Variants in SBF2 observed in about 807,000 individuals in gnomAD.
SBF2 encodes SET binding factor 2, also known as myotubularin-related protein 13.
Under a neutral mutation model 225.2 loss-of-function variants are expected in SBF2, and 112 were observed. The observed-to-expected ratio is 0.50, with a 90% CI of 0.43 to 0.58. SBF2 has a LOEUF of 0.58. Ranked by LOEUF, SBF2 falls within the 20% of genes least tolerant of loss-of-function variation. The pLI is 0.00. For synonymous variants in SBF2, 763 were observed against 773.3 expected (o/e 0.99, Z 0.22); for missense variants, 1,996 against 2,206.2 (o/e 0.90, Z 1.91).
At chr11:9,948,726 C>T (rs77104999) in intron 16 of SBF2, among the ~76,000 whole-genome samples, 1,757 of 152,202 alleles carry the variant, frequency 0.012, 19 homozygotes, top group Admixed American at 0.019. Context: ...TACACATAGA[C>T]GTATACCCAC....
chr11:9,998,202 T>A, intron 9 of SBF2, 64 bp downstream of exon 9: 1 of 956,932 alleles, frequency 1.0e-6, no homozygotes. Context: ...ACATTTTTAA[T>A]TTTAGCTATC....
intron 2 of SBF2, among the ~76,000 whole-genome samples, chr11:10,190,473 C>T (rs779647738): frequency 6.6e-6 from 1 of 152,042 alleles, no homozygotes; most frequent in Non-Finnish European, 1.5e-5. Flanking sequence ...TAAAATCCAT[C>T]CGAATTAAAG....
intron 2 of SBF2, among the ~76,000 whole-genome samples, chr11:10,053,503 G>A (rs910990308): frequency 6.6e-5 from 10 of 152,298 alleles, no homozygotes; most frequent in African/African-American, 1.9e-4. Context: ...TGTGAATAAA[G>A]TAACAGAAGC....
intron 1 of SBF2, among the ~76,000 whole-genome samples, chr11:10,209,328 C>G (rs1476491124): frequency 6.7e-6 from 1 of 149,968 alleles, no homozygotes. Flanking sequence ...TTTTTCCCAT[C>G]TCTAACTTCC....
At chr11:10,300,491 C>A (rs1036538604) in intron 1 of SBF2, among the ~76,000 whole-genome samples, 8 of 151,666 alleles carry the variant, frequency 5.3e-5, no homozygotes, top group African/African-American at 1.9e-4. Flanking sequence ...CATGATGAAA[C>A]CACATCTCTA....
intron 16 of SBF2, among the ~76,000 whole-genome samples, chr11:9,919,049 T>C (rs1863362461): frequency 6.6e-6 from 1 of 152,118 alleles, no homozygotes; most frequent in Non-Finnish European, 1.5e-5. Flanking sequence ...GCTTTTTTTA[T>C]TTTTTAATCC....
At chr11:10,282,721 T>C (rs578236955) in intron 1 of SBF2, among the ~76,000 whole-genome samples, 2 of 152,340 alleles carry the variant, frequency 1.3e-5, no homozygotes, top group Admixed American at 1.3e-4. Flanking sequence ...AGCTTTCTCA[T>C]ACTGGTCTTT....
intron 17 of SBF2, among the ~76,000 whole-genome samples, chr11:9,891,550 A>C (rs531188115): frequency 7.2e-5 from 11 of 152,368 alleles, no homozygotes; most frequent in Admixed American, 2.0e-4. Context: ...ATATAAGCAC[A>C]GGGCTTGGCA....
chr11:9,945,368 CG>C (rs747301117), intron 16 of SBF2, among the ~76,000 whole-genome samples: 24 of 152,102 alleles, frequency 1.6e-4, no homozygotes, highest in Non-Finnish European at 2.9e-4. Context: ...ATTCAATAAA[CG>C]GTGCTAGGAT....
At chr11:9,794,244 C>A (rs1045481870) in intron 33 of SBF2, among the ~76,000 whole-genome samples, 13 of 151,832 alleles carry the variant, frequency 8.6e-5, no homozygotes, top group Middle Eastern at 3.4e-3. Context: ...AAAAACAAAC[C>A]AAAAAAACCC....
chr11:9,785,244 T>C lies in SBF2; in HGVS notation c.5112A>G (p.Leu1704=), dbSNP rs370420894. 1.4e-5 allele frequency: 22 copies of C among 1,613,962 alleles called. No homozygotes were observed. In the East Asian group the frequency reaches 1.8e-4, roughly 13 times the overall value. The change falls in exon 37 of 40, where the codon CTA becomes CTG. Residue 1704 remains leucine (L), a synonymous_variant. Transcript: ENST00000256190. ...NLPSYQKRSL[L]HLPDSSMGEE... ...CCCCCATGCTGCTGTCTGGGAGATG[T>C]AGCAGAGACCTCTTCTGATAGGAAG...
chr11:9,812,404 C>T, intron 30 of SBF2, 128 bp downstream of exon 30: 1 of 981,310 alleles, frequency 1.0e-6, no homozygotes, highest in South Asian at 1.5e-5. Flanking sequence ...ACTGATGGCA[C>T]ACAATGAAGG....
chr11:10,233,779 T>C (rs912287012), intron 1 of SBF2, among the ~76,000 whole-genome samples: 2 of 152,164 alleles, frequency 1.3e-5, no homozygotes, highest in Non-Finnish European at 2.9e-5. Flanking sequence ...TCCCAAGTTA[T>C]CTCCCAACCA....
intron 1 of SBF2, among the ~76,000 whole-genome samples, chr11:10,270,789 T>G (rs1176670917): frequency 6.6e-6 from 1 of 151,916 alleles, no homozygotes; most frequent in Non-Finnish European, 1.5e-5. Flanking sequence ...ATCAGGAGAT[T>G]GAGACCATTG....
intron 16 of SBF2, among the ~76,000 whole-genome samples, chr11:9,920,598 C>G (rs1037759688): frequency 1.1e-4 from 16 of 152,158 alleles, no homozygotes; most frequent in African/African-American, 3.1e-4. Context: ...TCTTCTTTCA[C>G]ATGTGAGAAG....
intron 16 of SBF2, among the ~76,000 whole-genome samples, chr11:9,901,488 C>T (rs1450973134): frequency 6.6e-6 from 1 of 152,160 alleles, no homozygotes; most frequent in African/African-American, 2.4e-5. Context: ...AGACACGCCC[C>T]ATTACGCCCT....
At position 9,899,915 on chromosome 11, in the gene SBF2, G is replaced by A. The variant is rs189615637; in HGVS notation, c.1861-3904C>T. ...ATGGTGAGGGGAGGATGAGTGGGGA[G>A]AGCTCTTTAAACTATTCTGCTAATA... On this transcript the variant is annotated intron_variant, in intron 16 of 39. Coordinates refer to ENST00000256190, the MANE Select transcript of SBF2 (RefSeq NM_030962.4). 3.3e-5 allele frequency among the ~76,000 whole-genome samples: 5 copies of A among 152,104 alleles called. No homozygotes were observed. In the East Asian group the frequency reaches 7.7e-4, roughly 24 times the overall value.
intron 6 of SBF2, 81 bp from the exon 7 acceptor site, chr11:10,002,770 A>C: frequency 7.5e-7 from 1 of 1,333,910 alleles, no homozygotes; most frequent in South Asian, 1.2e-5. Flanking sequence ...ATACACGGAA[A>C]GAAAAAGCCA....
chr11:9,909,945 G>C (rs1167827135), intron 16 of SBF2, among the ~76,000 whole-genome samples: 1 of 152,086 alleles, frequency 6.6e-6, no homozygotes, highest in Non-Finnish European at 1.5e-5. Context: ...ATGATGCTGA[G>C]GCTGTTGGGC....
Sources: gnomAD v4.1 joint callset for allele counts (sites outside exome capture counted in the v4.1 genomes callset) on GRCh38, gnomAD v4.1.1 for gene constraint, MANE v1.5 for transcripts, NCBI Gene and HGNC (gene_info 2026-07-23, HGNC 2026-07-21) for gene names.